The following CSMD2 variants were observed in gnomAD, a reference collection of about 807,000 sequenced individuals.
CSMD2 encodes the protein CUB and Sushi multiple domains 2, also known as CUB and sushi domain-containing protein 2.
In CSMD2, 130 loss-of-function variants were observed where a neutral mutation model predicts 398.5. The ratio of observed to expected loss-of-function variants is 0.33; its 90% confidence interval spans 0.28 to 0.38. CSMD2 has a LOEUF of 0.38. Among genes scored for constraint, CSMD2 ranks in the 10% least tolerant of loss-of-function variants. CSMD2 has a pLI of 1.00. For synonymous variants in CSMD2, 1,828 were observed against 1,908.5 expected (o/e 0.96, Z 1.10); for missense variants, 3,829 against 4,764.9 (o/e 0.80, Z 5.78).
chr1:33,674,761 T>C (rs1314913967), intron 25 of CSMD2, among the ~76,000 whole-genome samples: 2 of 152,144 alleles, frequency 1.3e-5, no homozygotes, highest in Non-Finnish European at 2.9e-5. Flanking sequence ...AAACTATCTC[T>C]CAGACCACAG....
rs1654289039 is a variant in CSMD2 at position 33,521,513 on chromosome 1, T to C, written c.10547A>G (p.Gln3516Arg). The change falls in exon 68 of 71, where the codon CAA (glutamine) becomes CGA (arginine). Residue 3516 changes from glutamine to arginine, a missense_variant. Gln to Arg is a conservative substitution (Grantham distance 43, BLOSUM62 1). Transcript: ENST00000373381. The stretch of plus-strand genomic sequence containing the variant: ...AAAGCCTTGGCCCTTGACAGAGCCT[T>C]GGTAGATGAAGGTGGCTCCGGAGGA... The part of the protein sequence containing the change: ...SESSGATFIY[Q>R]GSVKGQGFGQ... 2 of 1,613,470 alleles carry C rather than the reference T, an allele frequency of 1.2e-6. No individual in the cohort carries two copies. Among genetic ancestry groups the C allele is most frequent in the Non-Finnish European group, 1.7e-6 (2 of 1,179,588 alleles).
intron 22 of CSMD2, among the ~76,000 whole-genome samples, chr1:33,705,074 C>A (rs548742626): frequency 6.6e-6 from 1 of 151,870 alleles, no homozygotes; most frequent in Non-Finnish European, 1.5e-5. Context: ...TGAGACTGCC[C>A]TAATAGTTTC....
intron 45 of CSMD2, 48 bp downstream of exon 45, chr1:33,587,040 C>A: frequency 1.4e-6 from 2 of 1,463,088 alleles, no homozygotes; most frequent in South Asian, 1.2e-5. Flanking sequence ...CCTTCCCTTC[C>A]TTCCCCAGTC....
At chr1:33,616,790 A>G in intron 39 of CSMD2, 116 bp downstream of exon 39, 1 of 761,594 alleles carries the variant, frequency 1.3e-6, no homozygotes, top group South Asian at 1.9e-5. Context: ...ACTTGGAACA[A>G]ATCCAGAATA....
chr1:33,652,598 G>A, intron 27 of CSMD2, 137 bp from the exon 28 acceptor site: 1 of 892,284 alleles, frequency 1.1e-6, no homozygotes, highest in Non-Finnish European at 1.7e-6. Flanking sequence ...GGACTCAGGA[G>A]AAGGTGAAAT....
At chr1:33,899,885 C>A (rs1642636506) in intron 5 of CSMD2, among the ~76,000 whole-genome samples, 3 of 152,204 alleles carry the variant, frequency 2.0e-5, no homozygotes. Context: ...GGCTGCCTGG[C>A]CCAAGGAGAC....
chr1:33,726,172 G>C (rs558797712), intron 16 of CSMD2, among the ~76,000 whole-genome samples: 2 of 152,274 alleles, frequency 1.3e-5, no homozygotes, highest in South Asian at 2.1e-4. Flanking sequence ...GGGCAGAGGT[G>C]GGGGGCTGCC....
intron 1 of CSMD2, among the ~76,000 whole-genome samples, chr1:34,147,232 T>G (rs1639858175): frequency 6.6e-6 from 1 of 151,992 alleles, no homozygotes; most frequent in Admixed American, 6.5e-5. Context: ...CACTCCAGCC[T>G]GGGTGACAGA....
chr1:34,132,150 T>C (rs2148500810), intron 1 of CSMD2, among the ~76,000 whole-genome samples: 1 of 152,252 alleles, frequency 6.6e-6, no homozygotes, highest in East Asian at 1.9e-4. Flanking sequence ...GACTCGCCTC[T>C]GGAACAGACT....
At position 33,580,740 on chromosome 1, in the gene CSMD2, T is replaced by C; in HGVS notation, c.7387+13A>G. 1.2e-6 allele frequency: 2 copies of C among 1,613,962 alleles called. No individual in the cohort carries two copies. The highest frequency in any genetic ancestry group is 1.7e-6 in the Non-Finnish European group (2 of 1,179,924). On this transcript the variant is annotated intron_variant, in intron 48 of 70. Transcript: ENST00000373381. ...GAGAGGGCCTGTGGCTTATTTGTGT[T>C]TTTTTCACTCACCTGAATAGCGGAT...
At chr1:33,803,932 C>T (rs1226919315) in intron 10 of CSMD2, among the ~76,000 whole-genome samples, 2 of 152,224 alleles carry the variant, frequency 1.3e-5, no homozygotes, top group African/African-American at 2.4e-5. Context: ...AGATCTTGTT[C>T]CATCCAGCAG....
chr1:33,947,263 C>T (rs1321670189), intron 3 of CSMD2, among the ~76,000 whole-genome samples: 1 of 152,170 alleles, frequency 6.6e-6, no homozygotes, highest in Non-Finnish European at 1.5e-5. Flanking sequence ...TCCTTAACCT[C>T]CCCCAGGGTG....
chr1:33,629,671 T>C (rs1642347348), intron 32 of CSMD2, among the ~76,000 whole-genome samples: 1 of 152,026 alleles, frequency 6.6e-6, no homozygotes, highest in African/African-American at 2.4e-5. Context: ...TCAGTACCAA[T>C]GGCTTGTTAT....
At chr1:33,819,251 G>A (rs1657824236) in intron 9 of CSMD2, among the ~76,000 whole-genome samples, 1 of 152,210 alleles carries the variant, frequency 6.6e-6, no homozygotes. Context: ...TTAGAAGCAT[G>A]TCATCACTAC....
At position 33,745,296 on chromosome 1, in the gene CSMD2, AAAC is replaced by A. The variant is rs372740851; in HGVS notation, c.1847-1693_1847-1691del. Reference sequence around the variant, plus strand: ...ATCAGGGTCGTAGGCGTTCAAAATGAAACAACATTTAATTTTTCTGATTGCAAA... The same window carrying A: ...ATCAGGGTCGTAGGCGTTCAAAATGAAACATTTAATTTTTCTGATTGCAAA... On this transcript the variant is annotated intron_variant, in intron 13 of 70. Coordinates refer to ENST00000373381, the MANE Select transcript of CSMD2 (RefSeq NM_001281956.2). Among the ~76,000 whole-genome samples the A allele has an allele frequency of 2.0e-4, 31 of 152,370 alleles. No individual in the cohort carries two copies. In the East Asian group the frequency reaches 4.8e-3, roughly 24 times the overall value.
chr1:33,862,072 G>A (rs1005086632), intron 5 of CSMD2: 2 of 152,266 alleles, frequency 1.3e-5, no homozygotes, highest in African/African-American at 4.8e-5. Flanking sequence ...GCTGGAAAGG[G>A]GATCTGGAAG....
chr1:33,832,660 C>G (rs2125040627), intron 6 of CSMD2, among the ~76,000 whole-genome samples: 1 of 150,908 alleles, frequency 6.6e-6, no homozygotes, highest in African/African-American at 2.4e-5. Flanking sequence ...CAGAGCAGAA[C>G]TGTAGGAAAT....
At chr1:34,109,934 G>T (rs182209310) in intron 1 of CSMD2, among the ~76,000 whole-genome samples, 222 of 151,454 alleles carry the variant, frequency 1.5e-3, no homozygotes, top group Non-Finnish European at 2.2e-3. Context: ...CCAGCTACTC[G>T]GGAGGCTGAG....
chr1:33,738,109 C>G (rs1326280585), intron 15 of CSMD2, among the ~76,000 whole-genome samples: 2 of 152,214 alleles, frequency 1.3e-5, no homozygotes, highest in East Asian at 3.9e-4. Flanking sequence ...AGGCATGCTC[C>G]CTTCTTCATT....
Sources: allele counts gnomAD v4.1 joint callset (sites outside exome capture counted in the v4.1 genomes callset), GRCh38; gene constraint gnomAD v4.1.1; transcripts MANE v1.5; gene names NCBI Gene and HGNC (gene_info 2026-07-23, HGNC 2026-07-21).